Variants in OGDH observed in about 807,000 individuals in gnomAD.
The protein encoded by OGDH is oxoglutarate dehydrogenase.
Under a neutral mutation model 116.6 loss-of-function variants are expected in OGDH, and 38 were observed. That is an observed-to-expected ratio of 0.33 (90% confidence interval 0.25 to 0.43). The LOEUF (loss-of-function observed/expected upper bound fraction) is 0.43, where lower values mean the gene tolerates loss of function less well. OGDH is among the 20% of genes least tolerant of loss of function. The probability of loss-of-function intolerance (pLI) is 1.00; values close to 1 mark genes in which losing one functional copy is unlikely to be tolerated. For synonymous variants in OGDH, 488 were observed against 533.3 expected (o/e 0.92, Z 1.17); for missense variants, 825 against 1,357.2 (o/e 0.61, Z 6.16).
intron 1 of OGDH, among the ~76,000 whole-genome samples, chr7:44,613,654 C>T (rs1585212593): frequency 6.6e-6 from 1 of 151,360 alleles, no homozygotes. Context: ...CCACCACGCC[C>T]GGCTATAATT....
At position 44,707,430 on chromosome 7, in the gene OGDH, G is replaced by C. The variant is rs989414512; in HGVS notation, c.2796+42G>C. ...CCATCAGGGTGTCCCCCCAGCGGGG[G>C]TCAGGGCTCTGGTGCCTTCACAGAA... On this transcript the variant is annotated intron_variant, in intron 21 of 22. Transcript: ENST00000222673. The surrounding 1 kb of genome is among the most constrained non-coding windows in gnomAD (Gnocchi z 5.2). 1 of 1,611,220 alleles carries C rather than the reference G, an allele frequency of 6.2e-7. No individual in the cohort carries two copies. The highest frequency in any genetic ancestry group is 2.2e-5 in the East Asian group (1 of 44,876).
intron 2 of OGDH, among the ~76,000 whole-genome samples, chr7:44,630,090 T>C (rs1426575828): frequency 6.6e-6 from 1 of 152,206 alleles, no homozygotes; most frequent in Non-Finnish European, 1.5e-5. Context: ...AGTACTGGTG[T>C]TTTCTATGGG....
intron 2 of OGDH, among the ~76,000 whole-genome samples, chr7:44,643,502 G>A (rs1305873212): frequency 1.3e-5 from 2 of 152,172 alleles, no homozygotes; most frequent in African/African-American, 4.8e-5. Context: ...GATGGTCCAG[G>A]CCTGTGCATT....
intron 2 of OGDH, among the ~76,000 whole-genome samples, chr7:44,641,446 G>A (rs961379745): frequency 2.0e-5 from 3 of 151,060 alleles, no homozygotes; most frequent in South Asian, 4.2e-4. Context: ...GGCTGGTCTC[G>A]AACTCCTGAT....
At chr7:44,619,570 T>G (rs546635252) in intron 1 of OGDH, among the ~76,000 whole-genome samples, 2 of 152,332 alleles carry the variant, frequency 1.3e-5, no homozygotes, top group East Asian at 3.9e-4. Flanking sequence ...GCACCAGCAC[T>G]TCCTTAGTTT....
In OGDH at chr7:44,693,872, C is replaced by A; in HGVS notation, c.1383C>A (p.Pro461=). 1 of 1,613,252 alleles carries A rather than the reference C, an allele frequency of 6.2e-7. No individual in the cohort carries two copies. Among genetic ancestry groups the A allele is most frequent in the Non-Finnish European group, 8.5e-7 (1 of 1,179,338 alleles). ...DPRMARSSPY[P]TDVARVVNAP... is the part of the protein sequence containing the mutation. ...GGATGGCCCGCTCCTCCCCCTACCC[C>A]ACTGACGTGGCCCGAGTGGTGAATG... Residue 461 remains proline (P), a synonymous_variant, in exon 11 of 23, where the codon CCC becomes CCA. Coordinates refer to ENST00000222673, the MANE Select transcript of OGDH (RefSeq NM_002541.4).
chr7:44,687,091 A>ATTTTTTTTTTTTTTT (rs59074567), intron 10 of OGDH, among the ~76,000 whole-genome samples: 12 of 95,538 alleles, frequency 1.3e-4, no homozygotes, highest in East Asian at 3.2e-4. Context: ...ATTTTTTTTA[A>ATTTTTTTTTTTTTTT]TTTTTTTTTT....
rs190446375 is a variant in OGDH at position 44,655,149 on chromosome 7, T to C, written c.517+7390T>C. ...ATGGGTATGAGTATTTAAGGTTCCT[T>C]TCGAGGCCCTCCCCTGTGTAGATCC... On this transcript the variant is annotated intron_variant, in intron 4 of 22. Coordinates refer to ENST00000222673, the MANE Select transcript of OGDH (RefSeq NM_002541.4). 2.2e-3 allele frequency among the ~76,000 whole-genome samples: 328 copies of C among 152,288 alleles called. 5 individuals carry two copies. The highest frequency in any genetic ancestry group is 7.4e-3 in the African/African-American group (309 of 41,550).
At position 44,708,567 on chromosome 7, in the gene OGDH, A is replaced by C. The variant is rs898111087; in HGVS notation, c.*568A>C. 6.5e-6 allele frequency: 1 copy of C among 152,810 alleles called. No individual in the cohort carries two copies. The highest frequency in any genetic ancestry group is 2.4e-5 in the African/African-American group (1 of 41,434). The allele number at this position is 152,810 out of a possible 1,614,324, so 9.5% of individuals were successfully genotyped here. A position where few individuals can be genotyped will look rare whatever the true frequency, so the allele number is the denominator to read the frequency against. On this transcript the variant is annotated 3_prime_UTR_variant, in exon 23 of 23. Transcript: ENST00000222673. ...AGCCTTGGCCTGACCTGGCACAGAA[A>C]GGGCAGCTTCAGTCTCTGCAGTGTC...
intron 5 of OGDH, among the ~76,000 whole-genome samples, chr7:44,667,923 G>A (rs1787254969): frequency 6.6e-6 from 1 of 152,080 alleles, no homozygotes; most frequent in Non-Finnish European, 1.5e-5. Context: ...AACCCAGGTT[G>A]AACCACACTG....
chr7:44,638,799 A>G (rs915835085), intron 2 of OGDH, among the ~76,000 whole-genome samples: 4 of 152,158 alleles, frequency 2.6e-5, no homozygotes, highest in African/African-American at 7.2e-5. Context: ...TTCATGCTCC[A>G]TGGGAATTAG....
At chr7:44,670,894 C>G (rs965182348) in intron 5 of OGDH, among the ~76,000 whole-genome samples, 1 of 151,232 alleles carries the variant, frequency 6.6e-6, no homozygotes, top group Non-Finnish European at 1.5e-5. Context: ...ACCTGTAGTC[C>G]CAACTACTCG....
Position 44,697,181 on chromosome 7 carries a change from G to A in OGDH, c.2051+117G>A. On this transcript the variant is annotated intron_variant, in intron 15 of 22. Transcript: ENST00000222673. This position sits in a 1 kb window ranked among gnomAD's most constrained non-coding sequence, Gnocchi z 6.0. ...ACCGGAAGAGTCACATTGCTCTCAG[G>A]CTGAAAACCTCTGTCCCTCATTTGC... 1 of 1,486,532 alleles carries A rather than the reference G, an allele frequency of 6.7e-7. No homozygotes were observed. Among genetic ancestry groups the A allele is most frequent in the East Asian group, 2.3e-5 (1 of 43,452 alleles). 92.1% of individuals were successfully genotyped at this position (1,486,532 alleles called of 1,614,324 possible). A position where few individuals can be genotyped will look rare whatever the true frequency, so the allele number is the denominator to read the frequency against.
At chr7:44,613,358 A>G (rs200715361) in intron 1 of OGDH, among the ~76,000 whole-genome samples, 12 of 148,650 alleles carry the variant, frequency 8.1e-5, no homozygotes, top group African/African-American at 2.0e-4. Flanking sequence ...TTGTTTGTTT[A>G]TTTGTTTGTT....
At position 44,639,048 on chromosome 7, in the gene OGDH, A is replaced by G. The variant is rs368606531; in HGVS notation, c.223-6279A>G. On this transcript the variant is annotated intron_variant, in intron 2 of 22. Transcript: ENST00000222673. ...AGCGACCATGTGAAGGGAGAGGACA[A>G]ACATCCCATGGAAAGAAGGGTAGCT... Among the ~76,000 whole-genome samples the G allele has an allele frequency of 1.2e-3, 179 of 152,318 alleles. 1 individual carries two copies. Among genetic ancestry groups the G allele is most frequent in the African/African-American group, 4.1e-3 (172 of 41,570 alleles).
rs150485819 is a variant in OGDH, at chr7:44,651,639, G to A, written c.517+3880G>A. Among the ~76,000 whole-genome samples the A allele has an allele frequency of 7.2e-3, 1,091 of 152,226 alleles. 12 individuals are homozygous for A. Among genetic ancestry groups the A allele is most frequent in the Non-Finnish European group, 0.01 (689 of 68,022 alleles). ...TGCAATGGCACCATCTCGGCTCACT[G>A]CACTCTCCGCCTCCCGGGTTCAAGT... On this transcript the variant is annotated intron_variant, in intron 4 of 22. Coordinates refer to ENST00000222673, the MANE Select transcript of OGDH (RefSeq NM_002541.4).
At chr7:44,627,349 A>C (rs778723537) in intron 2 of OGDH, among the ~76,000 whole-genome samples, 6 of 152,228 alleles carry the variant, frequency 3.9e-5, no homozygotes, top group Non-Finnish European at 7.3e-5. Context: ...ATTTCAAAGC[A>C]TCTGTCACCC....
chr7:44,680,483 A>G (rs913990428), intron 9 of OGDH, among the ~76,000 whole-genome samples: 3 of 151,622 alleles, frequency 2.0e-5, no homozygotes, highest in African/African-American at 7.3e-5. Flanking sequence ...GAGGTGGCCT[A>G]GAAAGTGTTG....
At chr7:44,706,775 C>A (rs757585915) in intron 20 of OGDH, among the ~76,000 whole-genome samples, 1 of 151,780 alleles carries the variant, frequency 6.6e-6, no homozygotes, top group Non-Finnish European at 1.5e-5. Context: ...CGCACACCAC[C>A]ATGCCTGGCT....
Sources: allele counts gnomAD v4.1 joint callset (sites outside exome capture counted in the v4.1 genomes callset), GRCh38; gene constraint gnomAD v4.1.1; non-coding constraint Gnocchi (gnomAD v3.1); transcripts MANE v1.5; gene names NCBI Gene and HGNC (gene_info 2026-07-23, HGNC 2026-07-21).